Variants in HSD17B12 observed in about 807,000 individuals in gnomAD.
HSD17B12 encodes very-long-chain 3-oxoacyl-CoA reductase.
HSD17B12 carries 32 observed loss-of-function variants against 39.3 expected under a neutral mutation model. The observed-to-expected ratio is 0.81, with a 90% confidence interval of 0.61 to 1.09. HSD17B12 has a LOEUF of 1.09. Among genes scored for constraint, HSD17B12 ranks in the 50% least tolerant of loss-of-function variants. The pLI, the probability that HSD17B12 is intolerant of heterozygous loss-of-function variation, is 0.00. For missense variants in HSD17B12, 342 were observed against 382.9 expected (o/e 0.89, Z 0.89); for synonymous variants, 150 against 146.7 (o/e 1.02, Z -0.16).
Position 43,804,398 on chromosome 11 carries a change from C to A in HSD17B12, c.391+5971C>A, listed in dbSNP as rs373733389. On this transcript the variant is annotated intron_variant, in intron 4 of 10. Coordinates refer to ENST00000278353, the MANE Select transcript of HSD17B12 (RefSeq NM_016142.3). ...CGACTTTCTTGATTCTTTCCATACGCATTGCTAATAATTTTAAGAAGCCTC... is the reference window on the plus strand; with the variant it reads ...CGACTTTCTTGATTCTTTCCATACGAATTGCTAATAATTTTAAGAAGCCTC... Among the ~76,000 whole-genome samples, 102 of 152,286 alleles carry A rather than the reference C, an allele frequency of 6.7e-4. 1 individual carries two copies. Among genetic ancestry groups the A allele is most frequent in the African/African-American group, 2.4e-3 (101 of 41,550 alleles).
intron 4 of HSD17B12, 28 bp from the exon 5 acceptor site, chr11:43,815,409 C>T: frequency 1.4e-6 from 2 of 1,386,220 alleles, no homozygotes; most frequent in Non-Finnish European, 1.0e-6. Context: ...GCATATGTTA[C>T]TCAGCTAATC....
chr11:43,614,701 G>C, the HSD17B12 span, among the ~76,000 whole-genome samples: 1 of 151,892 alleles, frequency 6.6e-6, no homozygotes, highest in Non-Finnish European at 1.5e-5. Context: ...AACTTTCTGT[G>C]CTTTATTTTC....
At chr11:43,615,089 G>T in the HSD17B12 span, among the ~76,000 whole-genome samples, 1 of 152,088 alleles carries the variant, frequency 6.6e-6, no homozygotes, top group Non-Finnish European at 1.5e-5. Flanking sequence ...TTCCTTTGAA[G>T]AGCGTTGAGT....
At chr11:43,591,211 A>G in the HSD17B12 span, among the ~76,000 whole-genome samples, 14 of 152,344 alleles carry the variant, frequency 9.2e-5, no homozygotes, top group African/African-American at 3.4e-4. Flanking sequence ...ATTTTTATTG[A>G]TAGTATACTG....
chr11:43,823,335 A>G (rs1228062305), intron 6 of HSD17B12, among the ~76,000 whole-genome samples: 2 of 152,116 alleles, frequency 1.3e-5, no homozygotes, highest in African/African-American at 2.4e-5. Flanking sequence ...CAGTGACACT[A>G]TCATAGCTCA....
intron 3 of HSD17B12, among the ~76,000 whole-genome samples, chr11:43,790,292 C>T (rs1301671758): frequency 6.6e-6 from 1 of 152,102 alleles, no homozygotes; most frequent in African/African-American, 2.4e-5. Context: ...CTTTTTGAAG[C>T]AGAGTCAGAT....
chr11:43,614,758 A>C, the HSD17B12 span, among the ~76,000 whole-genome samples: 1 of 151,994 alleles, frequency 6.6e-6, no homozygotes, highest in East Asian at 1.9e-4. Flanking sequence ...TCCATTCAAT[A>C]GATTTTTTTT....
the HSD17B12 span, among the ~76,000 whole-genome samples, chr11:43,590,552 C>T: frequency 1.2e-5 from 1 of 81,684 alleles, no homozygotes; most frequent in African/African-American, 4.0e-5. Flanking sequence ...CTCTGTCACC[C>T]AAGCCGGAGA....
At chr11:43,618,964 G>A in the HSD17B12 span, among the ~76,000 whole-genome samples, 1 of 151,356 alleles carries the variant, frequency 6.6e-6, no homozygotes, top group East Asian at 1.9e-4. Context: ...GGCAGACAAA[G>A]GGTAAATAAA....
the HSD17B12 span, among the ~76,000 whole-genome samples, chr11:43,625,566 A>G: frequency 1.3e-5 from 2 of 151,492 alleles, no homozygotes; most frequent in African/African-American, 4.8e-5. Flanking sequence ...TTTTAAGCAT[A>G]TAAGACATTT....
the HSD17B12 span, among the ~76,000 whole-genome samples, chr11:43,580,242 A>G: frequency 1.3e-5 from 2 of 151,910 alleles, no homozygotes; most frequent in African/African-American, 2.4e-5. Context: ...CTTTCTCCCC[A>G]TCTCTAGTCT....
At chr11:43,557,151 G>T in the HSD17B12 span, among the ~76,000 whole-genome samples, 8 of 152,236 alleles carry the variant, frequency 5.3e-5, no homozygotes, top group East Asian at 1.5e-3. Context: ...TGTGGTTTTT[G>T]CAGGAGGCAT....
chr11:43,845,736 A>G (rs1031318113), intron 9 of HSD17B12, among the ~76,000 whole-genome samples: 19 of 152,098 alleles, frequency 1.2e-4, no homozygotes, highest in African/African-American at 4.1e-4. Flanking sequence ...GATGTTTCTG[A>G]TCCCCCACTC....
At chr11:43,775,981 A>G (rs1185559406) in intron 3 of HSD17B12, among the ~76,000 whole-genome samples, 2 of 152,032 alleles carry the variant, frequency 1.3e-5, no homozygotes, top group Admixed American at 6.6e-5. Flanking sequence ...GTGTATATGT[A>G]CCACATTTTC....
chr11:43,826,513 CA>C lies in HSD17B12; in HGVS notation c.502-4460del, dbSNP rs1256292122. Among the ~76,000 whole-genome samples the C allele has an allele frequency of 3.8e-4, 57 of 151,942 alleles. 1 individual carries two copies. Among genetic ancestry groups the C allele is most frequent in the Non-Finnish European group, 4.4e-4 (30 of 67,964 alleles). The stretch of plus-strand genomic sequence containing the variant: ...TTTGATAAATTAATGTAGATCAAAC[CA>C]AATTTATTACAAAAGGAAAAATTTT... On this transcript the variant is annotated intron_variant, in intron 6 of 10. Coordinates refer to ENST00000278353, the MANE Select transcript of HSD17B12 (RefSeq NM_016142.3).
chr11:43,608,507 T>C, the HSD17B12 span, among the ~76,000 whole-genome samples: 1 of 152,226 alleles, frequency 6.6e-6, no homozygotes, highest in South Asian at 2.1e-4. Flanking sequence ...TCTTATTGTG[T>C]GCACCTGTGC....
chr11:43,714,531 GTAGTA>G (rs1276045681), intron 1 of HSD17B12, among the ~76,000 whole-genome samples: 1 of 152,146 alleles, frequency 6.6e-6, no homozygotes, highest in Non-Finnish European at 1.5e-5. Context: ...CTGTAGCCTT[GTAGTA>G]TAGTTTGAAG....
At chr11:43,789,988 T>A (rs1950852545) in intron 3 of HSD17B12, among the ~76,000 whole-genome samples, 1 of 151,888 alleles carries the variant, frequency 6.6e-6, no homozygotes, top group Non-Finnish European at 1.5e-5. Context: ...GTCAGCAGGG[T>A]TCCCAGGCTT....
chr11:43,592,894 TA>T, the HSD17B12 span, among the ~76,000 whole-genome samples: 1 of 152,150 alleles, frequency 6.6e-6, no homozygotes, highest in Non-Finnish European at 1.5e-5. Context: ...AAGATACATT[TA>T]CTGAGAAGAG....
Sources: gnomAD v4.1 joint callset for allele counts (sites outside exome capture counted in the v4.1 genomes callset) on GRCh38, gnomAD v4.1.1 for gene constraint, MANE v1.5 for transcripts, NCBI Gene and HGNC (gene_info 2026-07-23, HGNC 2026-07-21) for gene names.